The following FAAH variants were observed in gnomAD, a reference collection of about 807,000 sequenced individuals.
FAAH encodes fatty acid amide hydrolase.
In FAAH, 63 loss-of-function variants were observed where a neutral mutation model predicts 69.7. That is an observed-to-expected ratio of 0.90 (90% CI 0.74 to 1.12). The LOEUF (loss-of-function observed/expected upper bound fraction) is 1.12, where lower values mean the gene tolerates loss of function less well. Among genes scored for constraint, FAAH ranks in the 50% most tolerant of loss-of-function variants. The pLI, the probability that FAAH is intolerant of heterozygous loss-of-function variation, is 0.00. For synonymous variants in FAAH, 305 were observed against 324.2 expected (o/e 0.94, Z 0.64); for missense variants, 680 against 755.0 (o/e 0.90, Z 1.16).
At position 46,406,768 on chromosome 1, in the gene FAAH, A is replaced by AT. The variant is rs550222282; in HGVS notation, c.951+408dup. 5.0e-4 allele frequency among the ~76,000 whole-genome samples: 75 copies of AT among 150,116 alleles called. 1 individual carries two copies. The South Asian group carries it at 0.011, about 23-fold the overall frequency. ...AGGCGCCCGGCACCACGCCCGGCTA[A>AT]TTTTTTTTGTATTTTTAGTAGTAGA... On this transcript the variant is annotated intron_variant, in intron 7 of 14. Transcript: ENST00000243167.
At chr1:46,408,395 C>G in intron 7 of FAAH, 64 bp from the exon 8 acceptor site, 1 of 1,611,704 alleles carries the variant, frequency 6.2e-7, no homozygotes. Context: ...TCTCTGATCT[C>G]TAGGGGTCCT....
At position 46,405,442 on chromosome 1, in the gene FAAH, A is replaced by C; in HGVS notation, c.515A>C (p.His172Pro). The C allele has an allele frequency of 6.5e-7, 1 of 1,535,678 alleles. No individual in the cohort carries two copies. Among genetic ancestry groups the C allele is most frequent in the Non-Finnish European group, 8.8e-7 (1 of 1,134,892 alleles). Reference sequence around the variant, plus strand: ...GCGGAGTGCGACAGCGTAGTGGTGCATGTGCTGAAGCTGCAGGGTGCCGTG... The same window carrying C: ...GCGGAGTGCGACAGCGTAGTGGTGCCTGTGCTGAAGCTGCAGGGTGCCGTG... ...VPAECDSVVV[H>P]VLKLQGAVPF... The change falls in exon 4 of 15, where the codon CAT (histidine) becomes CCT (proline). Residue 172 changes from histidine (H) to proline (P), a missense_variant. By Grantham distance (77) the His-to-Pro change is moderately conservative (BLOSUM62 -2). Coordinates refer to ENST00000243167, the MANE Select transcript of FAAH (RefSeq NM_001441.3). This position sits in a 1 kb window ranked among gnomAD's most constrained non-coding sequence, Gnocchi z 4.1.
chr1:46,408,880 G>A (rs1172926885), intron 8 of FAAH, among the ~76,000 whole-genome samples: 1 of 152,200 alleles, frequency 6.6e-6, no homozygotes. Flanking sequence ...AGTGGGTTTT[G>A]GTCTGGTCAT....
rs756096742 is a variant in FAAH at position 46,411,667 on chromosome 1, CTGGAT to C, written c.1356+21_1356+25del. ...CGAGATCGAGGTGAGGCCAGAGCCT[CTGGAT>C]TGGAGCAGGGTGGTGGGGGGAGGGT... On this transcript the variant is annotated intron_variant, in intron 12 of 14. Coordinates refer to ENST00000243167, the MANE Select transcript of FAAH (RefSeq NM_001441.3). The surrounding 1 kb of genome is among the most constrained non-coding windows in gnomAD (Gnocchi z 4.8). The C allele has an allele frequency of 1.2e-6, 2 of 1,612,738 alleles. No homozygotes were observed. Among genetic ancestry groups the C allele is most frequent in the Non-Finnish European group, 1.7e-6 (2 of 1,179,014 alleles).
rs2148454962 is a variant in FAAH at position 46,413,712 on chromosome 1, C to T, written c.*137C>T. ...CCGTGTCCTCTCCCCCAACCCCCTG[C>T]AAGAAGCGCCGACTCCCTGAGTCTG... On this transcript the variant is annotated 3_prime_UTR_variant, in exon 15 of 15. Coordinates refer to ENST00000243167, the MANE Select transcript of FAAH (RefSeq NM_001441.3). The T allele has an allele frequency of 7.9e-7, 1 of 1,272,766 alleles. No homozygotes were observed. The highest frequency in any genetic ancestry group is 1.9e-5 in the Admixed American group (1 of 51,422). The allele number at this position is 1,272,766 out of a possible 1,614,324, so 78.8% of individuals were successfully genotyped here. A position where few individuals can be genotyped will look rare whatever the true frequency, so the allele number is the denominator to read the frequency against.
chr1:46,410,641 C>T lies in FAAH; in HGVS notation c.1275+144C>T, dbSNP rs1319339961. The T allele has an allele frequency of 2.8e-5, 30 of 1,074,996 alleles. 1 individual carries two copies. Among genetic ancestry groups the T allele is most frequent in the Non-Finnish European group, 4.3e-5 (30 of 698,052 alleles). The allele number at this position is 1,074,996 out of a possible 1,614,324, so 66.6% of individuals were successfully genotyped here. On this transcript the variant is annotated intron_variant, in intron 10 of 14. Transcript: ENST00000243167. This position sits in a 1 kb window ranked among gnomAD's most constrained non-coding sequence, Gnocchi z 4.9. ...TTCTCTCCAGTCCCCACCCAGACTG[C>T]TCTCCTCCTCTGTCCCCTGCGATCT...
rs775771885 is a variant in FAAH at position 46,413,199 on chromosome 1, C to T, written c.1590C>T (p.Ile530=). Reference sequence around the variant, plus strand: ...ATTACAGGGGCTACTTTGGGGATATCTGGGACAAGATGCTGCAGAAGGTGA... The same window carrying T: ...ATTACAGGGGCTACTTTGGGGATATTTGGGACAAGATGCTGCAGAAGGTGA... ...MEHYRGYFGD[I]WDKMLQKGMK... The change falls in exon 14 of 15, where the codon ATC becomes ATT. Residue 530 remains isoleucine, a synonymous_variant. Transcript: ENST00000243167. 5 of 1,614,042 alleles carry T rather than the reference C, an allele frequency of 3.1e-6. No individual in the cohort carries two copies. The South Asian group carries it at 5.5e-5, about 18-fold the overall frequency.
chr1:46,406,516 AC>A, intron 7 of FAAH, 148 bp downstream of exon 7: 1 of 940,218 alleles, frequency 1.1e-6, no homozygotes, highest in Non-Finnish European at 1.7e-6. Context: ...ACAGACGGCC[AC>A]CAGATGGAGC....
chr1:46,412,291 G>A, intron 13 of FAAH, 40 bp downstream of exon 13: 1 of 1,502,448 alleles, frequency 6.7e-7, no homozygotes, highest in East Asian at 2.5e-5. Flanking sequence ...TGTGAATCTG[G>A]CCATGTGCCC....
At chr1:46,403,454 C>T (rs939612076) in intron 2 of FAAH, among the ~76,000 whole-genome samples, 3 of 152,190 alleles carry the variant, frequency 2.0e-5, no homozygotes, top group Non-Finnish European at 2.9e-5. Flanking sequence ...CACCCTGGCC[C>T]GCCACCACCA....
At chr1:46,403,010 A>G (rs1228037428) in intron 2 of FAAH, among the ~76,000 whole-genome samples, 1 of 150,760 alleles carries the variant, frequency 6.6e-6, no homozygotes, top group African/African-American at 2.4e-5. Context: ...AATTTTTTGT[A>G]TTTAGTAGAG....
intron 7 of FAAH, among the ~76,000 whole-genome samples, chr1:46,407,144 T>C (rs1211682237): frequency 1.3e-5 from 2 of 151,906 alleles, no homozygotes; most frequent in African/African-American, 4.8e-5. Flanking sequence ...CTCCCCAAAA[T>C]ACCACCACAG....
At chr1:46,403,167 G>T (rs1253481551) in intron 2 of FAAH, among the ~76,000 whole-genome samples, 1 of 151,278 alleles carries the variant, frequency 6.6e-6, no homozygotes, top group Non-Finnish European at 1.5e-5. Context: ...GTCTTGCTCT[G>T]TCGCCCAGGC....
chr1:46,407,588 C>T (rs1664823131), intron 7 of FAAH, among the ~76,000 whole-genome samples: 1 of 151,812 alleles, frequency 6.6e-6, no homozygotes, highest in Non-Finnish European at 1.5e-5. Flanking sequence ...GTGCTCTGGT[C>T]CTGGTACTCT....
At chr1:46,412,672 G>C (rs1016006595) in intron 13 of FAAH, among the ~76,000 whole-genome samples, 1 of 152,134 alleles carries the variant, frequency 6.6e-6, no homozygotes, top group Non-Finnish European at 1.5e-5. Context: ...TTAGCTGGGT[G>C]TGGTTGCATG....
chr1:46,412,811 A>C (rs1048697353), intron 13 of FAAH, among the ~76,000 whole-genome samples: 5 of 152,320 alleles, frequency 3.3e-5, no homozygotes, highest in Non-Finnish European at 5.9e-5. Flanking sequence ...ACTGTCTCAA[A>C]AAAAGGAAAA....
chr1:46,399,311 C>T (rs1221874979), intron 1 of FAAH, among the ~76,000 whole-genome samples: 4 of 152,212 alleles, frequency 2.6e-5, no homozygotes, highest in Admixed American at 2.6e-4. Context: ...TACCTGTATA[C>T]TATACTTCCC....
In FAAH at chr1:46,413,757, G is replaced by T; in HGVS notation, c.*182G>T. 1.2e-6 allele frequency: 1 copy of T among 818,570 alleles called. No individual in the cohort carries two copies. Among genetic ancestry groups the T allele is most frequent in the Non-Finnish European group, 2.0e-6 (1 of 511,022 alleles). 50.7% of individuals were successfully genotyped at this position (818,570 alleles called of 1,614,324 possible). ...AGTCTGGACCTCCATCCCTGCTCTG[G>T]TCCCCTCTCTTCGTCCTGATCCCTC... is the stretch of plus-strand genomic sequence containing the variant. On this transcript the variant is annotated 3_prime_UTR_variant, in exon 15 of 15. Coordinates refer to ENST00000243167, the MANE Select transcript of FAAH (RefSeq NM_001441.3).
At chr1:46,406,122 C>G in intron 6 of FAAH, 44 bp downstream of exon 6, 1 of 1,613,914 alleles carries the variant, frequency 6.2e-7, no homozygotes, top group Non-Finnish European at 8.5e-7. Flanking sequence ...GGGTGGGGGT[C>G]GGCCTGACCC....
Sources: allele counts gnomAD v4.1 joint callset (sites outside exome capture counted in the v4.1 genomes callset), GRCh38; gene constraint gnomAD v4.1.1; non-coding constraint Gnocchi (gnomAD v3.1); transcripts MANE v1.5; gene names NCBI Gene and HGNC (gene_info 2026-07-23, HGNC 2026-07-21).